MGAT5: variants seen among roughly 807,000 people sequenced by gnomAD.
The protein encoded by MGAT5 is alpha-1,6-mannosylglycoprotein 6-beta-N-acetylglucosaminyltransferase A.
In MGAT5, 30 loss-of-function variants were observed where a neutral mutation model predicts 94.3. That is an observed-to-expected ratio of 0.32 (90% CI 0.24 to 0.43). MGAT5 has a LOEUF of 0.43. Ranked by LOEUF, MGAT5 falls within the 20% of genes least tolerant of loss-of-function variation. MGAT5 has a pLI of 1.00. For missense variants in MGAT5, 691 were observed against 905.5 expected (o/e 0.76, Z 3.04); for synonymous variants, 310 against 322.9 (o/e 0.96, Z 0.43).
chr2:134,296,941 G>A (rs1034488254), intron 2 of MGAT5, among the ~76,000 whole-genome samples: 1 of 152,072 alleles, frequency 6.6e-6, no homozygotes, highest in South Asian at 2.1e-4. Flanking sequence ...GCTCATACCT[G>A]TAATTCTAGC....
chr2:134,261,840 A>G (rs956127722), intron 1 of MGAT5, among the ~76,000 whole-genome samples: 14 of 152,202 alleles, frequency 9.2e-5, no homozygotes, highest in Non-Finnish European at 1.8e-4. Context: ...AAACTCTGTG[A>G]TGCTCTGTGT....
At chr2:134,243,708 T>C (rs1002387807) in intron 1 of MGAT5, among the ~76,000 whole-genome samples, 2 of 152,226 alleles carry the variant, frequency 1.3e-5, no homozygotes, top group Non-Finnish European at 2.9e-5. Context: ...TGCACACATA[T>C]GTATTTCTTC....
chr2:134,388,864 A>C (rs1268460311), intron 10 of MGAT5, among the ~76,000 whole-genome samples: 1 of 152,098 alleles, frequency 6.6e-6, no homozygotes, highest in Admixed American at 6.6e-5. Flanking sequence ...CGGTTCAAGC[A>C]ATTCTCCTGC....
At chr2:134,252,966 G>T (rs1178395984), upstream of MGAT5, 1 of 152,160 alleles carries the variant, frequency 6.6e-6, no homozygotes, top group East Asian at 1.9e-4. Context: ...ATAAAACAGA[G>T]ACGATAATAT....
At chr2:134,363,136 A>G (rs1187508747) in intron 10 of MGAT5, among the ~76,000 whole-genome samples, 1 of 152,012 alleles carries the variant, frequency 6.6e-6, no homozygotes, top group Admixed American at 6.6e-5. Context: ...TTTTTTTTTG[A>G]GGAAATGTTT....
At chr2:134,347,800 T>G (rs927803331) in intron 8 of MGAT5, among the ~76,000 whole-genome samples, 3 of 152,176 alleles carry the variant, frequency 2.0e-5, no homozygotes, top group Non-Finnish European at 4.4e-5. Context: ...TGTAGACTGT[T>G]GGAGTCAATT....
At chr2:134,177,338 G>C (rs1034139256) in intron 1 of MGAT5, among the ~76,000 whole-genome samples, 2 of 152,138 alleles carry the variant, frequency 1.3e-5, no homozygotes, top group Non-Finnish European at 2.9e-5. Flanking sequence ...TCATCCTGCT[G>C]TAACTGTCAT....
intron 10 of MGAT5, among the ~76,000 whole-genome samples, chr2:134,398,580 A>G (rs1269137599): frequency 6.6e-6 from 1 of 152,198 alleles, no homozygotes; most frequent in Admixed American, 6.5e-5. Context: ...CCTATACCCT[A>G]ATTCACCAGC....
intron 1 of MGAT5, among the ~76,000 whole-genome samples, chr2:134,167,057 C>T (rs372765465): frequency 9.9e-5 from 15 of 152,110 alleles, no homozygotes; most frequent in African/African-American, 3.6e-4. Context: ...ACGAGGAACA[C>T]ATTATGGAAA....
At chr2:134,416,709 C>A (rs147461457) in intron 12 of MGAT5, among the ~76,000 whole-genome samples, 1 of 151,486 alleles carries the variant, frequency 6.6e-6, no homozygotes, top group African/African-American at 2.4e-5. Flanking sequence ...TGGACTAAAG[C>A]GACCCTTCCA....
At chr2:134,354,767 G>GATTAGATCT (rs1679619941) in intron 9 of MGAT5, among the ~76,000 whole-genome samples, 1 of 152,158 alleles carries the variant, frequency 6.6e-6, no homozygotes, top group South Asian at 2.1e-4. Context: ...AAGGCCATTT[G>GATTAGATCT]ATTAGATCTA....
At chr2:134,244,142 A>G (rs1204739843) in intron 1 of MGAT5, among the ~76,000 whole-genome samples, 1 of 151,994 alleles carries the variant, frequency 6.6e-6, no homozygotes, top group Non-Finnish European at 1.5e-5. Flanking sequence ...TCTTTTGAGT[A>G]TTTTCATTCA....
intron 1 of MGAT5, among the ~76,000 whole-genome samples, chr2:134,197,956 C>T (rs551965023): frequency 5.9e-5 from 9 of 152,286 alleles, no homozygotes; most frequent in African/African-American, 1.9e-4. Flanking sequence ...CTCTGCCACT[C>T]AGCTGCAAGA....
intron 9 of MGAT5, among the ~76,000 whole-genome samples, chr2:134,353,520 C>G (rs138808875): frequency 1.7e-4 from 26 of 152,276 alleles, no homozygotes; most frequent in African/African-American, 6.0e-4. Context: ...TCGCAAATTG[C>G]TAGGATACTA....
intron 1 of MGAT5, among the ~76,000 whole-genome samples, chr2:134,146,963 A>G (rs1325414937): frequency 6.6e-6 from 1 of 152,234 alleles, no homozygotes; most frequent in Non-Finnish European, 1.5e-5. Context: ...TGTTGCTAGT[A>G]TAAGTGGGTG....
At chr2:134,296,315 G>A (rs1356561633) in intron 2 of MGAT5, among the ~76,000 whole-genome samples, 1 of 152,096 alleles carries the variant, frequency 6.6e-6, no homozygotes, top group African/African-American at 2.4e-5. Context: ...GGAATTTATG[G>A]GCATTAAAGA....
Position 134,229,566 on chromosome 2 carries a change from G to T in MGAT5, c.-142-24696G>T, listed in dbSNP as rs184931121. Among the ~76,000 whole-genome samples, 156 of 152,238 alleles carry T rather than the reference G, an allele frequency of 1.0e-3. 2 individuals are homozygous for T. Among genetic ancestry groups the T allele is most frequent in the African/African-American group, 3.1e-3 (130 of 41,542 alleles). ...AACTGATAAGGAGCTTACAGGATAT[G>T]CCCATATATGTTAAAAATGCCACAG... On this transcript the variant is annotated intron_variant, in intron 1 of 16. Coordinates refer to the MGAT5 transcript ENST00000409645.
intron 2 of MGAT5, among the ~76,000 whole-genome samples, chr2:134,309,080 A>G (rs1037045463): frequency 6.6e-6 from 1 of 152,182 alleles, no homozygotes; most frequent in African/African-American, 2.4e-5. Flanking sequence ...GGAATCTCAT[A>G]TGTGGCCTGT....
At chr2:134,169,121 A>C (rs925291286) in intron 1 of MGAT5, among the ~76,000 whole-genome samples, 1 of 152,192 alleles carries the variant, frequency 6.6e-6, no homozygotes, top group Non-Finnish European at 1.5e-5. Context: ...GGGCAAAGAG[A>C]CAATGCAGGT....
Sources: allele counts gnomAD v4.1 joint callset (sites outside exome capture counted in the v4.1 genomes callset), GRCh38; gene constraint gnomAD v4.1.1; transcripts MANE v1.5; gene names NCBI Gene and HGNC (gene_info 2026-07-23, HGNC 2026-07-21).